The following PARD6G variants were observed in gnomAD, a reference collection of about 807,000 sequenced individuals.
PARD6G encodes par-6 family cell polarity regulator gamma.
A neutral mutation model predicts 10.7 loss-of-function variants in PARD6G; 7 were observed. That is an observed-to-expected ratio of 0.66 (90% CI 0.37 to 1.23). PARD6G has a LOEUF of 1.23. Ranked by LOEUF, PARD6G falls within the 50% of genes most tolerant of loss-of-function variation. The probability of loss-of-function intolerance (pLI) is 0.02; values close to 1 mark genes in which losing one functional copy is unlikely to be tolerated. For synonymous variants in PARD6G, 287 were observed against 269.4 expected (o/e 1.07, Z -0.64); for missense variants, 548 against 571.8 (o/e 0.96, Z 0.42).
At chr18:80,213,488 G>A (rs1208278844) in intron 1 of PARD6G, among the ~76,000 whole-genome samples, 1 of 152,160 alleles carries the variant, frequency 6.6e-6, no homozygotes, top group Non-Finnish European at 1.5e-5. Flanking sequence ...ATAGCTTCAA[G>A]GCATTTAAGG....
chr18:80,162,184 C>A (rs1265094160), intron 2 of PARD6G: 1 of 152,058 alleles, frequency 6.6e-6, no homozygotes, highest in Non-Finnish European at 1.5e-5. Context: ...TGCTCAGTGA[C>A]GGAACCCATC....
At position 80,228,496 on chromosome 18, in the gene PARD6G, CCCA is replaced by C. The variant is rs1967321869; in HGVS notation, c.72+18778_72+18780del. ...GGGGTCCCCACCCCCACAAGGCCCG[CCCA>C]CCCCAGGCTTGCCCCAAGGTGCGCA... On this transcript the variant is annotated intron_variant, in intron 1 of 2. Transcript: ENST00000353265. The surrounding 1 kb of genome is among the most constrained non-coding windows in gnomAD (Gnocchi z 4.6). 6.6e-6 allele frequency among the ~76,000 whole-genome samples: 1 copy of C among 151,978 alleles called. No individual in the cohort carries two copies. Among genetic ancestry groups the C allele is most frequent in the African/African-American group, 2.4e-5 (1 of 41,358 alleles).
At position 80,219,044 on chromosome 18, in the gene PARD6G, T is replaced by C. The variant is rs532256185; in HGVS notation, c.73-16112A>G. ...TGGACCTGGCCCAGGAAACCACTTT[T>C]CTCTCCTAGGCCTCCAGGCCTGTGA... On this transcript the variant is annotated intron_variant, in intron 1 of 2. Transcript: ENST00000353265. 3.9e-5 allele frequency among the ~76,000 whole-genome samples: 6 copies of C among 152,348 alleles called. No individual in the cohort carries two copies. In the South Asian group the frequency reaches 1.2e-3, roughly 32 times the overall value.
rs1263156550 is a variant in PARD6G at position 80,180,860 on chromosome 18, A to C, written c.296-20254T>G. On this transcript the variant is annotated intron_variant, in intron 2 of 2. Coordinates refer to ENST00000353265, the MANE Select transcript of PARD6G (RefSeq NM_032510.4). This position sits in a 1 kb window ranked among gnomAD's most constrained non-coding sequence, Gnocchi z 5.6. ...TGTGGTGATGTCTGGAGACATTCTA[A>C]TTGGCACAAGTTGGGGGGAAGCTCC... is the stretch of plus-strand genomic sequence containing the variant. 6.6e-6 allele frequency among the ~76,000 whole-genome samples: 1 copy of C among 152,144 alleles called. No individual in the cohort carries two copies. Among genetic ancestry groups the C allele is most frequent in the African/African-American group, 2.4e-5 (1 of 41,428 alleles).
chr18:80,247,422 C>G lies in PARD6G; in HGVS notation c.-74G>C. On this transcript the variant is annotated 5_prime_UTR_variant, in exon 1 of 3. Coordinates refer to ENST00000353265, the MANE Select transcript of PARD6G (RefSeq NM_032510.4). The surrounding 1 kb of genome is among the most constrained non-coding windows in gnomAD (Gnocchi z 4.2). ...GCAGAAAGACTCCCGGGGGCGGCGC[C>G]CCCAGGCCCCGGCCCCGGCCCCGGC... is the stretch of plus-strand genomic sequence containing the variant. 2 of 1,276,146 alleles carry G rather than the reference C, an allele frequency of 1.6e-6. No homozygotes were observed. Among genetic ancestry groups the G allele is most frequent in the Non-Finnish European group, 2.1e-6 (2 of 949,128 alleles). 79.1% of individuals were successfully genotyped at this position (1,276,146 alleles called of 1,614,324 possible).
At position 80,189,015 on chromosome 18, in the gene PARD6G, G is replaced by A. The variant is rs1167400180; in HGVS notation, c.295+13695C>T. Among the ~76,000 whole-genome samples the A allele has an allele frequency of 6.6e-6, 1 of 152,174 alleles. No homozygotes were observed. Among genetic ancestry groups the A allele is most frequent in the African/African-American group, 2.4e-5 (1 of 41,446 alleles). On this transcript the variant is annotated intron_variant, in intron 2 of 2. Coordinates refer to ENST00000353265, the MANE Select transcript of PARD6G (RefSeq NM_032510.4). This position sits in a 1 kb window ranked among gnomAD's most constrained non-coding sequence, Gnocchi z 5.5. ...AGCCCGGGGTTGCCTGACACTCTCTGGGGCAGAGAACCCAGTTCTAGGGGC... is the reference window on the plus strand; with the variant it reads ...AGCCCGGGGTTGCCTGACACTCTCTAGGGCAGAGAACCCAGTTCTAGGGGC...
chr18:80,203,138 C>A (rs12962437), intron 1 of PARD6G: 4 of 511,600 alleles, frequency 7.8e-6, no homozygotes, highest in Non-Finnish European at 1.4e-5. Flanking sequence ...GCTTTTAATA[C>A]GATTTCTCTT....
At chr18:80,164,155 C>T (rs2052719585) in intron 2 of PARD6G, among the ~76,000 whole-genome samples, 1 of 152,248 alleles carries the variant, frequency 6.6e-6, no homozygotes, top group South Asian at 2.1e-4. Context: ...CCTGGACCCT[C>T]ACCTCCTCAA....
chr18:80,247,256 C>T lies in PARD6G; in HGVS notation c.72+21G>A, dbSNP rs1353954500. On this transcript the variant is annotated intron_variant, in intron 1 of 2. Transcript: ENST00000353265. This position sits in a 1 kb window ranked among gnomAD's most constrained non-coding sequence, Gnocchi z 4.2. ...GCCAGGAGACTGGGCGCAGGGCCGC[C>T]GGGGCGGGCGGGGGGCTTACCTTGC... 6.4e-7 allele frequency: 1 copy of T among 1,563,642 alleles called. No individual in the cohort carries two copies.
Position 80,211,453 on chromosome 18 carries a change from C to T in PARD6G, c.73-8521G>A, listed in dbSNP as rs535620401. On this transcript the variant is annotated intron_variant, in intron 1 of 2. Transcript: ENST00000353265. ...GTGGAGAAATTGGAATCCTTGTGCA[C>T]GACTGGTGATAACGTAAAGCAGTGC... Among the ~76,000 whole-genome samples the T allele has an allele frequency of 2.3e-4, 35 of 152,284 alleles. No individual in the cohort carries two copies. In the South Asian group the frequency reaches 2.9e-3, roughly 13 times the overall value.
chr18:80,221,391 C>G (rs770047892), intron 1 of PARD6G, among the ~76,000 whole-genome samples: 1 of 152,070 alleles, frequency 6.6e-6, no homozygotes, highest in Non-Finnish European at 1.5e-5. Context: ...CACATGAATG[C>G]AAGGTTGGTT....
chr18:80,214,909 A>G (rs934853653), intron 1 of PARD6G, among the ~76,000 whole-genome samples: 2 of 152,188 alleles, frequency 1.3e-5, no homozygotes, highest in African/African-American at 4.8e-5. Flanking sequence ...CCATACCTAG[A>G]CACATCACAT....
rs1311981310 is a variant in PARD6G, at chr18:80,201,492, C to A, written c.295+1218G>T. Among the ~76,000 whole-genome samples, 1 of 152,224 alleles carries A rather than the reference C, an allele frequency of 6.6e-6. No individual in the cohort carries two copies. The highest frequency in any genetic ancestry group is 1.5e-5 in the Non-Finnish European group (1 of 68,040). On this transcript the variant is annotated intron_variant, in intron 2 of 2. Coordinates refer to ENST00000353265, the MANE Select transcript of PARD6G (RefSeq NM_032510.4). The surrounding 1 kb of genome is among the most constrained non-coding windows in gnomAD (Gnocchi z 5.9). ...GGAAGCTGAAGCTCAGCCCGTCCCCCAGGCCACTGTGAGGAAGTGACAGCT... is the reference window on the plus strand; with the variant it reads ...GGAAGCTGAAGCTCAGCCCGTCCCCAAGGCCACTGTGAGGAAGTGACAGCT...
Position 80,180,835 on chromosome 18 carries a change from T to C in PARD6G, c.296-20229A>G, listed in dbSNP as rs1278838881. Among the ~76,000 whole-genome samples the C allele has an allele frequency of 6.6e-6, 1 of 150,412 alleles. No homozygotes were observed. The highest frequency in any genetic ancestry group is 1.5e-5 in the Non-Finnish European group (1 of 66,686). ...CCCGTGGTTCTGCCCCCAGCAGACA[T>C]GTGGTGATGTCTGGAGACATTCTAA... On this transcript the variant is annotated intron_variant, in intron 2 of 2. Coordinates refer to ENST00000353265, the MANE Select transcript of PARD6G (RefSeq NM_032510.4). This position sits in a 1 kb window ranked among gnomAD's most constrained non-coding sequence, Gnocchi z 5.6.
intron 1 of PARD6G, among the ~76,000 whole-genome samples, chr18:80,240,013 G>A (rs111383729): frequency 1.1e-4 from 17 of 152,154 alleles, no homozygotes; most frequent in African/African-American, 4.1e-4. Context: ...AGGAGGCAAC[G>A]GGGGAGGAGC....
chr18:80,230,636 GCA>G (rs1771413876), intron 1 of PARD6G, among the ~76,000 whole-genome samples: 1 of 152,194 alleles, frequency 6.6e-6, no homozygotes, highest in South Asian at 2.1e-4. Flanking sequence ...GCCCCTCTGA[GCA>G]CAGACAGTCC....
chr18:80,163,428 TTCTC>T (rs768176900), intron 2 of PARD6G, among the ~76,000 whole-genome samples: 4 of 135,504 alleles, frequency 3.0e-5, no homozygotes, highest in Non-Finnish European at 6.3e-5. Context: ...AGCATCCTCT[TTCTC>T]TCTACCACTG....
At chr18:80,215,472 TATG>T (rs538379311) in intron 1 of PARD6G, among the ~76,000 whole-genome samples, 164 of 152,182 alleles carry the variant, frequency 1.1e-3, no homozygotes, top group Non-Finnish European at 1.8e-3. Flanking sequence ...ATGTAATTTG[TATG>T]ATGACAATAC....
chr18:80,181,385 C>T lies in PARD6G; in HGVS notation c.296-20779G>A, dbSNP rs564721772. ...AAGGCAGGCATCACGCTCTGGGCAC[C>T]GGGGGACCCTGCGTGCTTGGGTGCA... is the stretch of plus-strand genomic sequence containing the variant. On this transcript the variant is annotated intron_variant, in intron 2 of 2. Coordinates refer to ENST00000353265, the MANE Select transcript of PARD6G (RefSeq NM_032510.4). The surrounding 1 kb of genome is among the most constrained non-coding windows in gnomAD (Gnocchi z 7.9). Among the ~76,000 whole-genome samples the T allele has an allele frequency of 6.6e-6, 1 of 152,240 alleles. No homozygotes were observed. Among genetic ancestry groups the T allele is most frequent in the South Asian group, 2.1e-4 (1 of 4,828 alleles).
Sources: gnomAD v4.1 joint callset for allele counts (sites outside exome capture counted in the v4.1 genomes callset) on GRCh38, gnomAD v4.1.1 for gene constraint, Gnocchi (gnomAD v3.1) non-coding constraint, MANE v1.5 for transcripts, NCBI Gene and HGNC (gene_info 2026-07-23, HGNC 2026-07-21) for gene names.